EPB41L2: variants seen among roughly 807,000 people sequenced by gnomAD.
EPB41L2 encodes the protein erythrocyte membrane protein band 4.1 like 2, also known as band 4.1-like protein 2.
Under a neutral mutation model 113.0 loss-of-function variants are expected in EPB41L2, and 43 were observed. The ratio of observed to expected loss-of-function variants is 0.38; its 90% CI spans 0.30 to 0.49. The LOEUF (loss-of-function observed/expected upper bound fraction) is 0.49. EPB41L2 is among the 20% of genes least tolerant of loss of function. The pLI is 0.95. For synonymous variants in EPB41L2, 442 were observed against 436.7 expected, an observed-to-expected ratio of 1.01 and a Z score of -0.15; for missense variants, 1,147 against 1,223.4, an observed-to-expected ratio of 0.94 and a Z score of 0.93.
intron 3 of EPB41L2, among the ~76,000 whole-genome samples, chr6:130,937,174 ACTCTTG>A (rs1809096040): frequency 6.6e-6 from 1 of 152,078 alleles, no homozygotes; most frequent in Non-Finnish European, 1.5e-5. Context: ...GTCAGGGTTC[ACTCTTG>A]GTGTCCTGCA....
chr6:131,031,273 G>A (rs1441169051), intron 1 of EPB41L2, among the ~76,000 whole-genome samples: 2 of 151,814 alleles, frequency 1.3e-5, no homozygotes, highest in Non-Finnish European at 2.9e-5. Flanking sequence ...AAGCAAACAA[G>A]TAAGGATAAG....
intron 3 of EPB41L2, among the ~76,000 whole-genome samples, chr6:130,938,287 C>G (rs948242153): frequency 3.9e-5 from 6 of 152,178 alleles, no homozygotes; most frequent in African/African-American, 1.4e-4. Flanking sequence ...CATTGATCTA[C>G]TTGGGGCAAC....
intron 1 of EPB41L2, among the ~76,000 whole-genome samples, chr6:130,969,871 C>A (rs537671266): frequency 6.6e-6 from 1 of 152,102 alleles, no homozygotes; most frequent in African/African-American, 2.4e-5. Flanking sequence ...TTATGTCATA[C>A]CACTGAAAAA....
At chr6:131,027,566 G>A (rs1791167435) in intron 1 of EPB41L2, among the ~76,000 whole-genome samples, 1 of 152,144 alleles carries the variant, frequency 6.6e-6, no homozygotes, top group African/African-American at 2.4e-5. Flanking sequence ...AAAGATACAA[G>A]GCCAATGCTT....
intron 3 of EPB41L2, among the ~76,000 whole-genome samples, chr6:130,951,703 T>G (rs890699087): frequency 1.3e-5 from 2 of 151,970 alleles, no homozygotes; most frequent in Non-Finnish European, 2.9e-5. Flanking sequence ...TTTTCATGGT[T>G]TTGAGTATCC....
At chr6:131,055,978 G>C (rs909128847) in intron 1 of EPB41L2, among the ~76,000 whole-genome samples, 4 of 152,216 alleles carry the variant, frequency 2.6e-5, no homozygotes, top group African/African-American at 9.6e-5. Context: ...AAGCAAAGCA[G>C]CTGATGCGTG....
At chr6:130,854,004 G>A (rs1779515001) in intron 19 of EPB41L2, among the ~76,000 whole-genome samples, 1 of 152,174 alleles carries the variant, frequency 6.6e-6, no homozygotes, top group Admixed American at 6.5e-5. Context: ...GTGGGGGGTG[G>A]AGATGCCAAA....
intron 1 of EPB41L2, among the ~76,000 whole-genome samples, chr6:131,032,174 A>ACAGC (rs1480747219): frequency 6.6e-6 from 1 of 152,130 alleles, no homozygotes; most frequent in Non-Finnish European, 1.5e-5. Flanking sequence ...AACCACAGAG[A>ACAGC]CAGCCCTAGC....
intron 4 of EPB41L2, among the ~76,000 whole-genome samples, chr6:130,910,116 T>G (rs1798904369): frequency 6.6e-6 from 1 of 152,178 alleles, no homozygotes; most frequent in Admixed American, 6.5e-5. Context: ...TCACACTACC[T>G]GACTTCAAAC....
intron 5 of EPB41L2, among the ~76,000 whole-genome samples, chr6:130,907,935 C>T (rs1447740361): frequency 1.3e-5 from 2 of 152,130 alleles, no homozygotes; most frequent in East Asian, 3.9e-4. Context: ...ACTCTGGGCT[C>T]CACAGTCGAG....
At chr6:131,039,599 G>T (rs978395170) in intron 1 of EPB41L2, among the ~76,000 whole-genome samples, 1 of 152,076 alleles carries the variant, frequency 6.6e-6, no homozygotes, top group African/African-American at 2.4e-5. Flanking sequence ...AATGCTTTCT[G>T]TGCCACGGTC....
chr6:130,929,209 G>A (rs1805848363), intron 3 of EPB41L2, among the ~76,000 whole-genome samples: 1 of 152,204 alleles, frequency 6.6e-6, no homozygotes, highest in Non-Finnish European at 1.5e-5. Context: ...AGAACACCAG[G>A]AATGGAATGA....
intron 1 of EPB41L2, among the ~76,000 whole-genome samples, chr6:131,022,801 C>T (rs2128741415): frequency 6.6e-6 from 1 of 152,270 alleles, no homozygotes; most frequent in African/African-American, 2.4e-5. Flanking sequence ...TGTATATAAG[C>T]CTTTTAAAAA....
chr6:130,969,626 C>T (rs1178215121), intron 1 of EPB41L2, among the ~76,000 whole-genome samples: 1 of 152,164 alleles, frequency 6.6e-6, no homozygotes, highest in African/African-American at 2.4e-5. Context: ...ACTTTGGTAA[C>T]TGTTAATGGC....
At chr6:131,008,636 C>A (rs1047109205) in intron 1 of EPB41L2, among the ~76,000 whole-genome samples, 7 of 152,244 alleles carry the variant, frequency 4.6e-5, no homozygotes, top group African/African-American at 1.4e-4. Context: ...CCCATGAAAG[C>A]AGCCGGGAGT....
chr6:131,002,960 T>C (rs536246373), intron 1 of EPB41L2, among the ~76,000 whole-genome samples: 2 of 152,342 alleles, frequency 1.3e-5, no homozygotes, highest in South Asian at 4.1e-4. Context: ...GGCAGAATGG[T>C]ATAGTGAAAA....
intron 1 of EPB41L2, among the ~76,000 whole-genome samples, chr6:131,043,683 A>C (rs73623380): frequency 0.057 from 8,644 of 152,308 alleles, 762 homozygotes; most frequent in African/African-American, 0.19. Flanking sequence ...TGATTCAAAT[A>C]AGAGACTATG....
At chr6:130,909,498 A>T (rs1289731714) in intron 4 of EPB41L2, among the ~76,000 whole-genome samples, 4 of 152,170 alleles carry the variant, frequency 2.6e-5, no homozygotes, top group Non-Finnish European at 5.9e-5. Context: ...TCCTTAAGAA[A>T]GCTTTACTCA....
intron 1 of EPB41L2, among the ~76,000 whole-genome samples, chr6:131,040,814 T>C (rs1223104678): frequency 2.6e-5 from 4 of 152,264 alleles, no homozygotes; most frequent in South Asian, 2.1e-4. Context: ...AAATGTTTGT[T>C]CTGAATCTAA....
Sources: allele counts gnomAD v4.1 joint callset (sites outside exome capture counted in the v4.1 genomes callset), GRCh38; gene constraint gnomAD v4.1.1; transcripts MANE v1.5; gene names NCBI Gene and HGNC (gene_info 2026-07-23, HGNC 2026-07-21).